Variants in APP observed in about 807,000 individuals in gnomAD.
APP encodes amyloid-beta precursor protein.
Under a neutral mutation model 101.4 loss-of-function variants are expected in APP, and 31 were observed. The observed-to-expected ratio is 0.31, with a 90% CI of 0.23 to 0.41. The LOEUF is 0.41. Ranked by LOEUF, APP falls within the 10% of genes least tolerant of loss-of-function variation. The pLI, the probability that APP is intolerant of heterozygous loss-of-function variation, is 1.00. For synonymous variants in APP, 366 were observed against 364.4 expected, an observed-to-expected ratio of 1.00 and a Z score of -0.05; for missense variants, 839 against 1,003.7, an observed-to-expected ratio of 0.84 and a Z score of 2.22.
At chr21:25,963,424 A>G (rs1001791557) in intron 11 of APP, among the ~76,000 whole-genome samples, 4 of 152,196 alleles carry the variant, frequency 2.6e-5, no homozygotes, top group African/African-American at 9.7e-5. Context: ...AAGGCAGTGA[A>G]GTGTCAAGAG....
At chr21:26,021,230 T>C (rs2044323162) in intron 6 of APP, among the ~76,000 whole-genome samples, 1 of 152,074 alleles carries the variant, frequency 6.6e-6, no homozygotes, top group East Asian at 1.9e-4. Context: ...GTATTTTTAG[T>C]AGAGATGGGT....
chr21:25,963,286 G>C (rs1023345218), intron 11 of APP, among the ~76,000 whole-genome samples: 1 of 152,152 alleles, frequency 6.6e-6, no homozygotes, highest in African/African-American at 2.4e-5. Context: ...CTTATTACTT[G>C]ACAGTTCACG....
intron 11 of APP, among the ~76,000 whole-genome samples, chr21:25,958,307 C>T (rs1314078156): frequency 1.3e-5 from 2 of 152,128 alleles, no homozygotes; most frequent in African/African-American, 2.4e-5. Context: ...GATGGAATCT[C>T]GCCCTGTCTC....
chr21:26,138,540 A>G (rs80154223), intron 1 of APP, among the ~76,000 whole-genome samples: 2 of 151,966 alleles, frequency 1.3e-5, no homozygotes, highest in South Asian at 4.2e-4. Context: ...AAAAAAAAAA[A>G]AAATTAGCCA....
At chr21:26,142,777 A>C (rs1788283) in intron 1 of APP, among the ~76,000 whole-genome samples, 58,948 of 150,900 alleles carry the variant, frequency 0.39, 14,029 homozygotes, top group Non-Finnish European at 0.53. Context: ...TCAAAAAAAA[A>C]GTAAAGAAAA....
chr21:26,100,259 T>C (rs1006630494), intron 2 of APP, among the ~76,000 whole-genome samples: 4 of 152,210 alleles, frequency 2.6e-5, no homozygotes, highest in African/African-American at 9.7e-5. Context: ...AAGCAATCCT[T>C]ACATTTATAC....
rs559340452 is a variant in APP at position 26,166,871 on chromosome 21, T to TGAGA, written c.57+3689_57+3692dup. On this transcript the variant is annotated intron_variant, in intron 1 of 17. Transcript: ENST00000346798. ...CCTGCACCAGCATCTGTCACTCAAG[T>TGAGA]GAGAGAGAGAGAGAGAGAGAGAGAG... Among the ~76,000 whole-genome samples, 489 of 135,258 alleles carry TGAGA rather than the reference T, an allele frequency of 3.6e-3. 2 individuals are homozygous for TGAGA. The highest frequency in any genetic ancestry group is 8.0e-3 in the East Asian group (36 of 4,492). 88.7% of individuals were successfully genotyped at this position (135,258 alleles called of 152,430 possible). A position where few individuals can be genotyped will look rare whatever the true frequency, so the allele number is the denominator to read the frequency against.
intron 1 of APP, among the ~76,000 whole-genome samples, chr21:26,164,548 C>CCAGTG (rs2063565772): frequency 6.6e-6 from 1 of 152,182 alleles, no homozygotes; most frequent in Non-Finnish European, 1.5e-5. Context: ...AGTGTATAAA[C>CCAGTG]TTGCTCAATA....
chr21:26,014,371 T>C (rs2043958750), intron 6 of APP, among the ~76,000 whole-genome samples: 1 of 152,244 alleles, frequency 6.6e-6, no homozygotes, highest in African/African-American at 2.4e-5. Context: ...GCTTTGTTTC[T>C]TCTCCCCTTG....
intron 11 of APP, among the ~76,000 whole-genome samples, chr21:25,963,600 A>G (rs1215162730): frequency 6.6e-6 from 1 of 152,194 alleles, no homozygotes; most frequent in Non-Finnish European, 1.5e-5. Flanking sequence ...GCTTTCATAA[A>G]TAGGTTCAGA....
chr21:26,151,820 C>T (rs558690917), intron 1 of APP, among the ~76,000 whole-genome samples: 96 of 152,304 alleles, frequency 6.3e-4, no homozygotes, highest in Middle Eastern at 3.4e-3. Flanking sequence ...GCTCCTAACA[C>T]GCCACAGACC....
At position 26,157,073 on chromosome 21, in the gene APP, T is replaced by A. The variant is rs545144510; in HGVS notation, c.57+13491A>T. Among the ~76,000 whole-genome samples the A allele has an allele frequency of 1.3e-4, 20 of 152,292 alleles. No homozygotes were observed. The South Asian group carries it at 4.1e-3, about 32-fold the overall frequency. ...AGATTTAAATAATGTAGCTTTTTGA[T>A]TACTCTTTTTTTTTGAGACAGAGTC... is the stretch of plus-strand genomic sequence containing the variant. On this transcript the variant is annotated intron_variant, in intron 1 of 17. Transcript: ENST00000346798.
intron 11 of APP, among the ~76,000 whole-genome samples, chr21:25,970,990 T>C (rs1287493132): frequency 1.3e-5 from 2 of 152,088 alleles, no homozygotes; most frequent in South Asian, 2.1e-4. Flanking sequence ...TGAGAAGAAC[T>C]GGATTTACCC....
At chr21:25,929,297 AT>A (rs1220268031) in intron 13 of APP, among the ~76,000 whole-genome samples, 1 of 152,230 alleles carries the variant, frequency 6.6e-6, no homozygotes, top group African/African-American at 2.4e-5. Flanking sequence ...TTTACTAATT[AT>A]AAGAGTAACA....
At chr21:26,148,358 G>A (rs1394440889) in intron 1 of APP, among the ~76,000 whole-genome samples, 1 of 152,204 alleles carries the variant, frequency 6.6e-6, no homozygotes, top group Non-Finnish European at 1.5e-5. Context: ...TAGGGCAGGA[G>A]AGTAGATGGA....
Position 25,975,974 on chromosome 21 carries a change from C to T in APP, c.1279G>A (p.Asp427Asn), listed in dbSNP as rs746303118. Residue 427 changes from aspartate to asparagine, a missense_variant, in exon 10 of 18, where the codon GAT becomes AAT. Transcript: ENST00000346798. The part of the protein sequence containing the change: ...ERQAKNLPKA[D>N]KKAVIQHFQE... ...TTTACCTGGATAACTGCCTTCTTAT[C>T]AGCTTTAGGCAAGTTCTTTGCTTGA... 1.2e-6 allele frequency: 2 copies of T among 1,613,874 alleles called. No individual in the cohort carries two copies. Among genetic ancestry groups the T allele is most frequent in the Non-Finnish European group, 1.7e-6 (2 of 1,179,860 alleles).
At position 26,000,053 on chromosome 21, in the gene APP, T is replaced by C. The variant is rs773998162; in HGVS notation, c.995A>G (p.Asp332Gly). The change falls in exon 7 of 18, where the codon GAC becomes GGC. Residue 332 changes from aspartate (D) to glycine (G), a missense_variant. Coordinates refer to ENST00000346798, the MANE Select transcript of APP (RefSeq NM_000484.4). ...GGCGGNRNNF[D>G]TEEYCMAVCG... Reference sequence around the variant, plus strand: ...CACGGCCATGCAGTACTCTTCTGTGTCAAAGTTGTTCCGGTTGCCGCCACA... The same window carrying C: ...CACGGCCATGCAGTACTCTTCTGTGCCAAAGTTGTTCCGGTTGCCGCCACA... 2 of 1,614,138 alleles carry C rather than the reference T, an allele frequency of 1.2e-6. No individual in the cohort carries two copies. The highest frequency in any genetic ancestry group is 4.5e-5 in the East Asian group (2 of 44,854).
At chr21:25,945,481 A>G (rs1231031627) in intron 13 of APP, 1 of 149,556 alleles carries the variant, frequency 6.7e-6, no homozygotes, top group Non-Finnish European at 1.5e-5. Context: ...GGATACTCAA[A>G]GTAATATTGA....
At chr21:25,987,811 A>G (rs2234985) in intron 8 of APP, among the ~76,000 whole-genome samples, 59,407 of 151,984 alleles carry the variant, frequency 0.39, 14,872 homozygotes, top group African/African-American at 0.69. Context: ...CCTCCAGCCC[A>G]CCAACATTGC....
Sources: gnomAD v4.1 joint callset for allele counts (sites outside exome capture counted in the v4.1 genomes callset) on GRCh38, gnomAD v4.1.1 for gene constraint, MANE v1.5 for transcripts, NCBI Gene and HGNC (gene_info 2026-07-23, HGNC 2026-07-21) for gene names.